The following MAP2K4 variants were observed in gnomAD, a reference collection of about 807,000 sequenced individuals.
MAP2K4 encodes mitogen-activated protein kinase kinase 4.
A neutral mutation model predicts 48.5 loss-of-function variants in MAP2K4; 4 were observed. That is an observed-to-expected ratio of 0.08 (90% CI 0.04 to 0.19). MAP2K4 has a LOEUF of 0.19. Among genes scored for constraint, MAP2K4 ranks in the 10% least tolerant of loss-of-function variants. The probability of loss-of-function intolerance (pLI) is 1.00; values close to 1 mark genes in which losing one functional copy is unlikely to be tolerated. For missense variants in MAP2K4, 258 were observed against 493.3 expected (o/e 0.52, Z 4.52); for synonymous variants, 166 against 173.1 (o/e 0.96, Z 0.32).
In MAP2K4 at chr17:12,020,990, G is replaced by C; in HGVS notation, c.104G>C (p.Ser35Thr). 8.3e-7 allele frequency: 1 copy of C among 1,210,998 alleles called. No homozygotes were observed. Among genetic ancestry groups the C allele is most frequent in the East Asian group, 3.3e-5 (1 of 29,864 alleles). 75.0% of individuals were successfully genotyped at this position (1,210,998 alleles called of 1,614,324 possible). A position where few individuals can be genotyped will look rare whatever the true frequency, so the allele number is the denominator to read the frequency against. ...CCGGCGCCAGGCCACCCGGCCGTCA[G>C]CAGCATGCAGGGTAAGGAACGCGGC... is the stretch of plus-strand genomic sequence containing the variant. Reference protein sequence around the residue: ...GSPAPGHPAVSSMQGKRKALK... With the variant: ...GSPAPGHPAVTSMQGKRKALK... The change falls in exon 1 of 11, where the codon AGC (serine) becomes ACC (threonine). Residue 35 changes from serine (S) to threonine (T), a missense_variant. This residue lies in a region of MAP2K4 where 69 missense variants were observed against 56.2 expected (regional missense o/e 1.23). Coordinates refer to ENST00000353533, the MANE Select transcript of MAP2K4 (RefSeq NM_003010.4).
Position 12,138,557 on chromosome 17 carries a change from A to G in MAP2K4, c.1041-1282A>G, listed in dbSNP as rs28990371. Among the ~76,000 whole-genome samples the G allele has an allele frequency of 6.3e-3, 960 of 152,210 alleles. 2 individuals are homozygous for G. The highest frequency in any genetic ancestry group is 0.036 in the East Asian group (187 of 5,168). On this transcript the variant is annotated intron_variant, in intron 9 of 10. Transcript: ENST00000353533. Reference sequence around the variant, plus strand: ...TTGGTCTTGCTATCTCGGGTGGCAGAGGCAGAAGAAAAATCCATGTATAAG... The same window carrying G: ...TTGGTCTTGCTATCTCGGGTGGCAGGGGCAGAAGAAAAATCCATGTATAAG...
At chr17:12,107,736 A>G in intron 4 of MAP2K4, 54 bp from the exon 5 acceptor site, 1 of 1,434,326 alleles carries the variant, frequency 7.0e-7, no homozygotes, top group Non-Finnish European at 9.4e-7. Flanking sequence ...TTTTAAGTAA[A>G]GGCAAGGTGA....
At chr17:12,030,210 T>C (rs1969389085) in intron 1 of MAP2K4, among the ~76,000 whole-genome samples, 1 of 152,172 alleles carries the variant, frequency 6.6e-6, no homozygotes, top group Non-Finnish European at 1.5e-5. Context: ...CTAAAAACGC[T>C]TCTTCCCTAA....
chr17:12,089,667 T>C (rs1971498831), intron 3 of MAP2K4, among the ~76,000 whole-genome samples: 1 of 152,200 alleles, frequency 6.6e-6, no homozygotes, highest in Non-Finnish European at 1.5e-5. Flanking sequence ...TACTCTGCTC[T>C]TACTGTCTTT....
In MAP2K4 at chr17:12,143,379, G is replaced by A. The variant is rs1392393675; in HGVS notation, c.*2119G>A. 1.3e-5 allele frequency: 3 copies of A among 232,674 alleles called. No homozygotes were observed. The highest frequency in any genetic ancestry group is 1.2e-4 in the East Asian group (2 of 16,398). The allele number at this position is 232,674 out of a possible 1,614,324, so 14.4% of individuals were successfully genotyped here. On this transcript the variant is annotated 3_prime_UTR_variant, in exon 11 of 11. Coordinates refer to ENST00000353533, the MANE Select transcript of MAP2K4 (RefSeq NM_003010.4). Reference sequence around the variant, plus strand: ...GATTATTATAAACTATAAACTTAAGGGCAAGGAGTTTATTACAATGTATCT... The same window carrying A: ...GATTATTATAAACTATAAACTTAAGAGCAAGGAGTTTATTACAATGTATCT...
At chr17:12,022,763 A>T (rs184939694) in intron 1 of MAP2K4, among the ~76,000 whole-genome samples, 1 of 152,228 alleles carries the variant, frequency 6.6e-6, no homozygotes, top group African/African-American at 2.4e-5. Flanking sequence ...ATGAAAAATT[A>T]CTAGTTGGAA....
chr17:12,135,640 C>A (rs1973183232), intron 9 of MAP2K4, among the ~76,000 whole-genome samples: 1 of 152,158 alleles, frequency 6.6e-6, no homozygotes, highest in Non-Finnish European at 1.5e-5. Context: ...GCCTCCACCT[C>A]CCAGGTTCAA....
At chr17:12,066,830 C>T (rs1284933808) in intron 2 of MAP2K4, among the ~76,000 whole-genome samples, 1 of 152,176 alleles carries the variant, frequency 6.6e-6, no homozygotes, top group African/African-American at 2.4e-5. Flanking sequence ...GCTGGGACTA[C>T]AGGCGCCCGC....
At chr17:12,036,895 C>A (rs901636862) in intron 1 of MAP2K4, among the ~76,000 whole-genome samples, 1 of 126,952 alleles carries the variant, frequency 7.9e-6, no homozygotes, top group East Asian at 3.1e-4. Context: ...TATCCTCCCC[C>A]CCGCCACCTT....
intron 3 of MAP2K4, among the ~76,000 whole-genome samples, chr17:12,088,528 TAA>T (rs1971446139): frequency 1.1e-5 from 1 of 90,724 alleles, no homozygotes; most frequent in Non-Finnish European, 2.4e-5. Flanking sequence ...ATGTAATATA[TAA>T]TATATATTAA....
In MAP2K4 at chr17:12,140,772, T is replaced by C. The variant is rs28921108; in HGVS notation, c.1087-375T>C. Among the ~76,000 whole-genome samples, 951 of 152,320 alleles carry C rather than the reference T, an allele frequency of 6.2e-3. 2 individuals are homozygous for C. The highest frequency in any genetic ancestry group is 0.036 in the East Asian group (188 of 5,188). On this transcript the variant is annotated intron_variant, in intron 10 of 10. Coordinates refer to ENST00000353533, the MANE Select transcript of MAP2K4 (RefSeq NM_003010.4). ...TATATTGGTGTCCCAAGAGGAATAG[T>C]GACTGGCATTTGCGTCATTCTTCTT...
At chr17:12,121,162 C>G (rs1972675559) in intron 7 of MAP2K4, among the ~76,000 whole-genome samples, 1 of 152,066 alleles carries the variant, frequency 6.6e-6, no homozygotes, top group African/African-American at 2.4e-5. Context: ...TTGTTTCATG[C>G]ACAAATTTAT....
At chr17:12,061,608 T>C (rs1410588157) in intron 2 of MAP2K4, among the ~76,000 whole-genome samples, 5 of 152,228 alleles carry the variant, frequency 3.3e-5, no homozygotes, top group Non-Finnish European at 5.9e-5. Context: ...TGTGTGCTTT[T>C]GGTGTTATAA....
At chr17:12,054,547 A>G (rs1222980503) in intron 1 of MAP2K4, among the ~76,000 whole-genome samples, 9 of 152,062 alleles carry the variant, frequency 5.9e-5, no homozygotes, top group Admixed American at 4.6e-4. Flanking sequence ...ACAGATGGTA[A>G]TATTTTTAGA....
rs984498587 is a variant in MAP2K4, at chr17:12,109,030, T to C, written c.633+1121T>C. Among the ~76,000 whole-genome samples, 6 of 152,104 alleles carry C rather than the reference T, an allele frequency of 3.9e-5. No individual in the cohort carries two copies. In the South Asian group the frequency reaches 1.0e-3, roughly 26 times the overall value. ...ATAGCTAATGGTTATTAAATGCTTA[T>C]TTGCATCAAACTATTTGTGACATTA... On this transcript the variant is annotated intron_variant, in intron 5 of 10. Coordinates refer to ENST00000353533, the MANE Select transcript of MAP2K4 (RefSeq NM_003010.4).
chr17:12,104,214 A>G (rs1433696685), intron 4 of MAP2K4, among the ~76,000 whole-genome samples: 1 of 152,178 alleles, frequency 6.6e-6, no homozygotes. Context: ...ATTGGCTCCT[A>G]GAGTTCAGCT....
At chr17:12,064,272 G>T (rs1291586114) in intron 2 of MAP2K4, among the ~76,000 whole-genome samples, 2 of 152,084 alleles carry the variant, frequency 1.3e-5, no homozygotes, top group African/African-American at 4.8e-5. Context: ...TTTTGTAGAG[G>T]TGGGATCTTG....
chr17:12,034,626 C>A (rs1421918872), intron 1 of MAP2K4, among the ~76,000 whole-genome samples: 2 of 152,192 alleles, frequency 1.3e-5, no homozygotes, highest in African/African-American at 4.8e-5. Flanking sequence ...ATGGAATAGG[C>A]CCCTGCCGTT....
intron 1 of MAP2K4, among the ~76,000 whole-genome samples, chr17:12,053,182 C>A (rs1970193327): frequency 6.6e-6 from 1 of 151,954 alleles, no homozygotes; most frequent in Non-Finnish European, 1.5e-5. Flanking sequence ...ACTAAAAAAA[C>A]CTTTTTTTTT....
Sources: gnomAD v4.1 joint callset for allele counts (sites outside exome capture counted in the v4.1 genomes callset) on GRCh38, gnomAD v4.1.1 for gene constraint, gnomAD v4.1.1 regional missense constraint, MANE v1.5 for transcripts, NCBI Gene and HGNC (gene_info 2026-07-23, HGNC 2026-07-21) for gene names.